CROCC2: variants seen among roughly 807,000 people sequenced by gnomAD.
CROCC2 encodes the protein ciliary rootlet coiled-coil, rootletin family member 2.
In CROCC2, 163 loss-of-function variants were observed where a neutral mutation model predicts 177.6. The ratio of observed to expected loss-of-function variants is 0.92; its 90% CI spans 0.81 to 1.05. The LOEUF is 1.05. Ranked by LOEUF, CROCC2 falls within the 50% of genes least tolerant of loss-of-function variation. CROCC2 has a pLI of 0.00. For synonymous variants in CROCC2, 904 were observed against 787.3 expected, an observed-to-expected ratio of 1.15 and a Z score of -2.48; for missense variants, 1,929 against 1,797.8, an observed-to-expected ratio of 1.07 and a Z score of -1.32.
In CROCC2 at chr2:240,920,081, G is replaced by A; in HGVS notation, c.328G>A (p.Ala110Thr). The change falls in exon 3 of 32, where the codon GCC (alanine) becomes ACC (threonine). Residue 110 changes from alanine (A) to threonine (T), a missense_variant. Ala to Thr is a moderately conservative substitution (Grantham distance 58). Around this residue, in one of 3 missense-constraint regions of CROCC2, gnomAD observed 1,397 missense variants for 1,239.9 expected, o/e 1.13. Coordinates refer to ENST00000690015, the MANE Select transcript of CROCC2 (RefSeq NM_001351305.2). ...LTRLGDLLAQ[A>T]SAERDELASR... is the part of the protein sequence containing the mutation. Reference sequence around the variant, plus strand: ...CCGGCTGGGGGACCTGCTGGCCCAGGCCAGCGCCGAGCGAGATGAGCTGGC... The same window carrying A: ...CCGGCTGGGGGACCTGCTGGCCCAGACCAGCGCCGAGCGAGATGAGCTGGC... 2.8e-6 allele frequency: 2 copies of A among 713,358 alleles called. No homozygotes were observed. Among genetic ancestry groups the A allele is most frequent in the Non-Finnish European group, 2.6e-6 (1 of 383,794 alleles). The allele number at this position is 713,358 out of a possible 1,614,324, so 44.2% of individuals were successfully genotyped here. A position where few individuals can be genotyped will look rare whatever the true frequency, so the allele number is the denominator to read the frequency against.
chr2:240,933,286 G>T lies in CROCC2; in HGVS notation c.1407G>T (p.Leu469=). Residue 469 remains leucine (L), a synonymous_variant, in exon 10 of 32, where the codon CTG becomes CTT. Coordinates refer to ENST00000690015, the MANE Select transcript of CROCC2 (RefSeq NM_001351305.2). ...AREREALRGQ[L]EAQRLEVQQC... The stretch of plus-strand genomic sequence containing the variant: ...AACGAGAGGCTCTTCGGGGCCAGCT[G>T]GAGGCCCAGAGGCTCGAGGTGCAGC... The T allele has an allele frequency of 1.3e-6, 2 of 1,546,152 alleles. No individual in the cohort carries two copies. Among genetic ancestry groups the T allele is most frequent in the Non-Finnish European group, 1.7e-6 (2 of 1,146,114 alleles).
chr2:240,965,329 G>C, intron 22 of CROCC2, 52 bp from the exon 23 acceptor site: 1 of 1,541,232 alleles, frequency 6.5e-7, no homozygotes, highest in Non-Finnish European at 8.8e-7. Flanking sequence ...GAGGCTGCCT[G>C]GGTTCCAGCA....
intron 27 of CROCC2, among the ~76,000 whole-genome samples, chr2:240,969,262 C>T (rs958210263): frequency 3.3e-5 from 5 of 152,328 alleles, no homozygotes; most frequent in South Asian, 2.1e-4. Flanking sequence ...TGCTGTTCCA[C>T]GCGGGGCTCA....
In CROCC2 at chr2:240,933,832, CTGCAGGGCACTGGAGACCAGG is replaced by C. The variant is rs1417138209; in HGVS notation, c.1630_1646+4del. On this transcript the variant is annotated splice_donor_variant and coding_sequence_variant, in exon 11 of 32. Transcript: ENST00000690015. LOFTEE classifies it high-confidence loss of function. Reference sequence around the variant, plus strand: ...AGCTGGCTCTGCGGAGGGAGCGGAGCTGCAGGGCACTGGAGACCAGGTGCGCGGCCGTGGCTGGGTGGGCAG... The same window carrying C: ...AGCTGGCTCTGCGGAGGGAGCGGAGCTGCGCGGCCGTGGCTGGGTGGGCAG... The C allele has an allele frequency of 6.5e-7, 1 of 1,547,420 alleles. No individual in the cohort carries two copies. The highest frequency in any genetic ancestry group is 1.4e-5 in the African/African-American group (1 of 72,972).
At chr2:240,984,950 CA>C (rs1376603128) in intron 28 of CROCC2, among the ~76,000 whole-genome samples, 1 of 618 alleles carries the variant, frequency 1.6e-3, no homozygotes, top group Non-Finnish European at 2.5e-3. Flanking sequence ...ACTCACTCCA[CA>C]CACACACACC....
chr2:240,989,121 C>T (rs1000322419), intron 29 of CROCC2, among the ~76,000 whole-genome samples: 4 of 152,178 alleles, frequency 2.6e-5, no homozygotes, highest in African/African-American at 7.2e-5. Flanking sequence ...GGGAGCCAGG[C>T]CCGGGCTCTG....
intron 5 of CROCC2, among the ~76,000 whole-genome samples, chr2:240,927,103 C>T (rs926891787): frequency 3.3e-5 from 5 of 152,230 alleles, no homozygotes; most frequent in African/African-American, 9.6e-5. Context: ...CTCTCGGCAC[C>T]TTAAAGATAT....
At chr2:240,971,880 C>G (rs1387851997) in intron 27 of CROCC2, among the ~76,000 whole-genome samples, 1 of 152,138 alleles carries the variant, frequency 6.6e-6, no homozygotes, top group African/African-American at 2.4e-5. Flanking sequence ...TCCTACTCAG[C>G]TAATCTCAGG....
intron 1 of CROCC2, 78 bp downstream of exon 1, chr2:240,906,669 A>AGGG: frequency 2.5e-6 from 1 of 398,874 alleles, no homozygotes; most frequent in South Asian, 1.3e-4. Context: ...CGGCAAAGAG[A>AGGG]GGGGATGGCC....
rs578065848 is a variant in CROCC2 at position 240,965,889 on chromosome 2, C to T, written c.3857C>T (p.Ala1286Val). Reference sequence around the variant, plus strand: ...CAGGCTGAGGGTGCAAGGCAGGATGCGGAGGCCCAGCTGGGCCGGCTGTGC... The same window carrying T: ...CAGGCTGAGGGTGCAAGGCAGGATGTGGAGGCCCAGCTGGGCCGGCTGTGC... ...LAQAEGARQDAEAQLGRLCST... is the reference protein window; with the variant it reads ...LAQAEGARQDVEAQLGRLCST... The change falls in exon 24 of 32, where the codon GCG (alanine) becomes GTG (valine). Residue 1286 changes from alanine (A) to valine (V), a missense_variant. Ala to Val is a moderately conservative substitution (Grantham distance 64, BLOSUM62 0). This residue lies in a region of CROCC2 where 144 missense variants were observed against 205.2 expected (regional missense o/e 0.70). Coordinates refer to ENST00000690015, the MANE Select transcript of CROCC2 (RefSeq NM_001351305.2). 8.7e-4 allele frequency: 1,247 copies of T among 1,432,912 alleles called. 8 individuals are homozygous for T. In the Middle Eastern group the frequency reaches 0.013, roughly 14 times the overall value. 88.8% of individuals were successfully genotyped at this position (1,432,912 alleles called of 1,614,324 possible).
rs183088393 is a variant in CROCC2 at position 240,960,544 on chromosome 2, G to T, written c.3087+1100G>T. On this transcript the variant is annotated intron_variant, in intron 20 of 31. Coordinates refer to ENST00000690015, the MANE Select transcript of CROCC2 (RefSeq NM_001351305.2). The surrounding 1 kb of genome is among the most constrained non-coding windows in gnomAD (Gnocchi z 5.0). ...GTGTGGCAAGGGCAGGAGGGCACGC[G>T]GATCTGGGCTAGAGGAGGGGAGGGT... Among the ~76,000 whole-genome samples the T allele has an allele frequency of 6.6e-6, 1 of 152,156 alleles. No individual in the cohort carries two copies. The highest frequency in any genetic ancestry group is 2.4e-5 in the African/African-American group (1 of 41,440).
rs963789780 is a variant in CROCC2, at chr2:240,917,948, T to C, written c.79-778T>C. On this transcript the variant is annotated intron_variant, in intron 1 of 31. Transcript: ENST00000690015. This position sits in a 1 kb window ranked among gnomAD's most constrained non-coding sequence, Gnocchi z 4.9. ...CAAGCTGTGCCCCTGCCCGGCAAAA[T>C]GCCATTAGAGCCCAAGACCCTCAAA... Among the ~76,000 whole-genome samples, 4 of 152,004 alleles carry C rather than the reference T, an allele frequency of 2.6e-5. No individual in the cohort carries two copies. The highest frequency in any genetic ancestry group is 9.7e-5 in the African/African-American group (4 of 41,392).
At chr2:240,916,532 C>A (rs1410465741) in intron 1 of CROCC2, among the ~76,000 whole-genome samples, 1 of 140,186 alleles carries the variant, frequency 7.1e-6, no homozygotes, top group Non-Finnish European at 1.6e-5. Context: ...CTGAACGCCC[C>A]CTGCGCTCCC....
rs1215432985 is a variant in CROCC2 at position 240,960,708 on chromosome 2, C to T, written c.3087+1264C>T. ...GCACACCACGCCCCAGAGGCCGGGC[C>T]GGCCGGCAGGGGAGAGTGAGAAGAG... On this transcript the variant is annotated intron_variant, in intron 20 of 31. Transcript: ENST00000690015. This position sits in a 1 kb window ranked among gnomAD's most constrained non-coding sequence, Gnocchi z 5.0. Among the ~76,000 whole-genome samples the T allele has an allele frequency of 6.6e-6, 1 of 152,058 alleles. No homozygotes were observed. Among genetic ancestry groups the T allele is most frequent in the South Asian group, 2.1e-4 (1 of 4,814 alleles).
chr2:240,934,898 T>C lies in CROCC2; in HGVS notation c.1792-18T>C. ...GGAAGCTGAAGGTCCCTCCCTGGCA[T>C]CCCCCTCCCTGCCCCAGGCCGAGTG... On this transcript the variant is annotated intron_variant, in intron 12 of 31. Coordinates refer to ENST00000690015, the MANE Select transcript of CROCC2 (RefSeq NM_001351305.2). 2.7e-6 allele frequency: 4 copies of C among 1,478,778 alleles called. No homozygotes were observed. Among genetic ancestry groups the C allele is most frequent in the Middle Eastern group, 2.3e-4 (1 of 4,342 alleles). 91.6% of individuals were successfully genotyped at this position (1,478,778 alleles called of 1,614,324 possible). A position where few individuals can be genotyped will look rare whatever the true frequency, so the allele number is the denominator to read the frequency against.
intron 19 of CROCC2, chr2:240,957,946 C>T: frequency 1.0e-6 from 1 of 984,732 alleles, no homozygotes; most frequent in Non-Finnish European, 1.2e-6. Flanking sequence ...GAGCTGATGC[C>T]TCTGGCTCAC....
Position 240,930,977 on chromosome 2 carries a change from C to G in CROCC2, c.796C>G (p.Leu266Val). The G allele has an allele frequency of 1.4e-6, 1 of 715,636 alleles. No homozygotes were observed. The highest frequency in any genetic ancestry group is 2.6e-6 in the Non-Finnish European group (1 of 384,746). 44.3% of individuals were successfully genotyped at this position (715,636 alleles called of 1,614,324 possible). A position where few individuals can be genotyped will look rare whatever the true frequency, so the allele number is the denominator to read the frequency against. ...AGACACGGCCAGGACAGCCCGCCGCCTGCACACCGCCTGCCTGAACCTCGA... is the reference window on the plus strand; with the variant it reads ...AGACACGGCCAGGACAGCCCGCCGCGTGCACACCGCCTGCCTGAACCTCGA... ...QADTARTARR[L>V]HTACLNLDSN... The change falls in exon 7 of 32, where the codon CTG becomes GTG. Residue 266 changes from leucine (L) to valine (V), a missense_variant. Transcript: ENST00000690015.
At chr2:240,988,628 A>G in intron 28 of CROCC2, 111 bp from the exon 29 acceptor site, 1 of 1,128,912 alleles carries the variant, frequency 8.9e-7, no homozygotes, top group Non-Finnish European at 1.1e-6. Context: ...GCCAGCTCTT[A>G]GGGGAATTCA....
At position 240,918,625 on chromosome 2, in the gene CROCC2, T is replaced by C; in HGVS notation, c.79-101T>C. The C allele has an allele frequency of 2.0e-6, 1 of 491,460 alleles. No homozygotes were observed. Among genetic ancestry groups the C allele is most frequent in the South Asian group, 3.9e-5 (1 of 25,434 alleles). The allele number at this position is 491,460 out of a possible 1,614,324, so 30.4% of individuals were successfully genotyped here. ...TCCTCTCCAGGGCACTCTGCTGCCT[T>C]GGGGTGGCCCTGTGGCGGCTCCCAT... On this transcript the variant is annotated intron_variant, in intron 1 of 31. Coordinates refer to ENST00000690015, the MANE Select transcript of CROCC2 (RefSeq NM_001351305.2). The surrounding 1 kb of genome is among the most constrained non-coding windows in gnomAD (Gnocchi z 6.3).
Sources: gnomAD v4.1 joint callset for allele counts (sites outside exome capture counted in the v4.1 genomes callset) on GRCh38, gnomAD v4.1.1 for gene constraint, gnomAD v4.1.1 regional missense constraint, Gnocchi (gnomAD v3.1) non-coding constraint, MANE v1.5 for transcripts, NCBI Gene and HGNC (gene_info 2026-07-23, HGNC 2026-07-21) for gene names.